CLVS1: variants seen among roughly 807,000 people sequenced by gnomAD.
The protein encoded by CLVS1 is clavesin 1.
Under a neutral mutation model 33.1 loss-of-function variants are expected in CLVS1, and 10 were observed. That is an observed-to-expected ratio of 0.30 (90% CI 0.19 to 0.51). CLVS1 has a LOEUF of 0.51. Among genes scored for constraint, CLVS1 ranks in the 20% least tolerant of loss-of-function variants. CLVS1 has a pLI of 0.97. For missense variants in CLVS1, 343 were observed against 433.4 expected, an observed-to-expected ratio of 0.79 and a Z score of 1.85; for synonymous variants, 163 against 166.1, an observed-to-expected ratio of 0.98 and a Z score of 0.14.
At chr8:61,487,175 T>G (rs1803916590) in intron 5 of CLVS1, among the ~76,000 whole-genome samples, 1 of 152,176 alleles carries the variant, frequency 6.6e-6, no homozygotes, top group Non-Finnish European at 1.5e-5. Context: ...GACCACAGTA[T>G]GAGTGGCAAG....
chr8:61,237,601 A>G (rs1173190692), intron 2 of CLVS1, among the ~76,000 whole-genome samples: 1 of 152,220 alleles, frequency 6.6e-6, no homozygotes, highest in Non-Finnish European at 1.5e-5. Context: ...CTAGAGAGGT[A>G]AAGTGAATTA....
chr8:61,221,597 T>G (rs896886960), intron 2 of CLVS1, among the ~76,000 whole-genome samples: 3 of 152,194 alleles, frequency 2.0e-5, no homozygotes, highest in African/African-American at 7.2e-5. Context: ...AATATTTTAT[T>G]GAGGATTTTT....
chr8:61,452,991 G>A (rs1585995179), intron 3 of CLVS1, among the ~76,000 whole-genome samples: 1 of 152,110 alleles, frequency 6.6e-6, no homozygotes, highest in East Asian at 1.9e-4. Flanking sequence ...AAAACGACCC[G>A]GGTGAGGCAT....
At chr8:61,320,063 A>G (rs1754286420) in intron 2 of CLVS1, among the ~76,000 whole-genome samples, 1 of 152,092 alleles carries the variant, frequency 6.6e-6, no homozygotes, top group Admixed American at 6.5e-5. Flanking sequence ...TGTATCCAGC[A>G]TTTATTATAG....
At chr8:61,480,613 C>T (rs1818155397) in intron 5 of CLVS1, among the ~76,000 whole-genome samples, 1 of 152,160 alleles carries the variant, frequency 6.6e-6, no homozygotes, top group East Asian at 1.9e-4. Context: ...CCGGCACTCC[C>T]CAGTGAGATG....
intron 2 of CLVS1, among the ~76,000 whole-genome samples, chr8:61,135,001 A>G (rs944991151): frequency 1.3e-5 from 2 of 152,004 alleles, no homozygotes; most frequent in Non-Finnish European, 2.9e-5. Flanking sequence ...AGCTCATGGA[A>G]AAGGCATGAC....
intron 3 of CLVS1, among the ~76,000 whole-genome samples, chr8:61,425,781 G>C (rs1037256381): frequency 1.3e-5 from 2 of 152,172 alleles, no homozygotes; most frequent in African/African-American, 4.8e-5. Flanking sequence ...TGACTGAATA[G>C]TGTCTGGGGC....
At chr8:61,112,229 C>CAG (rs543340398) in intron 1 of CLVS1, among the ~76,000 whole-genome samples, 2 of 150,080 alleles carry the variant, frequency 1.3e-5, no homozygotes, top group African/African-American at 4.9e-5. Context: ...CGCACAGAGA[C>CAG]AGAGAGAGAG....
At chr8:61,034,063 G>A in the CLVS1 span, among the ~76,000 whole-genome samples, 1 of 152,080 alleles carries the variant, frequency 6.6e-6, no homozygotes, top group Non-Finnish European at 1.5e-5. Flanking sequence ...AGTTCAAGGG[G>A]AGAGGCTAGG....
intron 2 of CLVS1, among the ~76,000 whole-genome samples, chr8:61,362,726 A>C (rs1242629789): frequency 1.3e-5 from 2 of 152,200 alleles, no homozygotes; most frequent in African/African-American, 4.8e-5. Context: ...GATTCCTGTT[A>C]GCTCTCCTTG....
intron 3 of CLVS1, among the ~76,000 whole-genome samples, chr8:61,429,762 A>G (rs1816042679): frequency 6.6e-6 from 1 of 152,246 alleles, no homozygotes; most frequent in South Asian, 2.1e-4. Flanking sequence ...CAACAAATAT[A>G]GTGGCTTTTG....
chr8:61,486,114 TAAATAAATAAATA>T (rs1803872866), intron 5 of CLVS1, among the ~76,000 whole-genome samples: 1 of 151,126 alleles, frequency 6.6e-6, no homozygotes, highest in Non-Finnish European at 1.5e-5. Flanking sequence ...AATAAATAAA[TAAATAAATAAATA>T]AAATAAATGG....
At chr8:61,144,283 T>C (rs1806373252) in intron 2 of CLVS1, among the ~76,000 whole-genome samples, 2 of 152,142 alleles carry the variant, frequency 1.3e-5, no homozygotes, top group African/African-American at 4.8e-5. Flanking sequence ...TCCCGCTTTA[T>C]GAGTGAGAAC....
chr8:60,975,382 AG>A, the CLVS1 span, among the ~76,000 whole-genome samples: 1 of 152,190 alleles, frequency 6.6e-6, no homozygotes, highest in African/African-American at 2.4e-5. Flanking sequence ...ATTTAAGTAT[AG>A]GATCTTGAGA....
chr8:61,388,993 A>ACGTTTTTAT (rs1226782591), intron 3 of CLVS1, among the ~76,000 whole-genome samples: 1 of 152,100 alleles, frequency 6.6e-6, no homozygotes, highest in Non-Finnish European at 1.5e-5. Flanking sequence ...AACGTTTTTA[A>ACGTTTTTAT]GATCAACATT....
intron 1 of CLVS1, among the ~76,000 whole-genome samples, chr8:61,115,156 T>C (rs1805694568): frequency 1.3e-5 from 2 of 152,234 alleles, no homozygotes; most frequent in African/African-American, 2.4e-5. Context: ...AATTCAGTTC[T>C]GCTACTTACC....
chr8:61,125,450 C>T (rs201416197), intron 1 of CLVS1, among the ~76,000 whole-genome samples: 2 of 152,152 alleles, frequency 1.3e-5, no homozygotes, highest in African/African-American at 4.8e-5. Context: ...GACATAAGTT[C>T]AGTTCCTCAT....
intron 1 of CLVS1, among the ~76,000 whole-genome samples, chr8:61,130,402 T>C (rs1806072029): frequency 6.6e-6 from 1 of 152,082 alleles, no homozygotes; most frequent in African/African-American, 2.4e-5. Flanking sequence ...ATTGACCCAA[T>C]TCATGCCAAG....
the CLVS1 span, among the ~76,000 whole-genome samples, chr8:60,971,521 C>CT: frequency 3.9e-5 from 6 of 152,190 alleles, no homozygotes; most frequent in Non-Finnish European, 5.9e-5. Context: ...TCCAAATCCC[C>CT]TTTTTTTCTG....
Sources: gnomAD v4.1 joint callset for allele counts (sites outside exome capture counted in the v4.1 genomes callset) on GRCh38, gnomAD v4.1.1 for gene constraint, MANE v1.5 for transcripts, NCBI Gene and HGNC (gene_info 2026-07-23, HGNC 2026-07-21) for gene names.